The following MACROD2 variants were observed in gnomAD, a reference collection of about 807,000 sequenced individuals.
The protein encoded by MACROD2 is ADP-ribose glycohydrolase MACROD2.
MACROD2 carries 36 observed loss-of-function variants against 70.4 expected under a neutral mutation model. The observed-to-expected ratio is 0.51, with a 90% CI of 0.39 to 0.68. The LOEUF is 0.68. MACROD2 is among the 30% of genes least tolerant of loss of function. The pLI is 0.00. For synonymous variants in MACROD2, 172 were observed against 178.8 expected (o/e 0.96, Z 0.30); for missense variants, 496 against 538.4 (o/e 0.92, Z 0.78).
chr20:15,738,649 A>G (rs1003833685), intron 8 of MACROD2, among the ~76,000 whole-genome samples: 1 of 152,222 alleles, frequency 6.6e-6, no homozygotes, highest in African/African-American at 2.4e-5. Flanking sequence ...AGCAAATGAC[A>G]GGTTGAATAT....
chr20:14,208,959 G>A (rs1029226783), intron 3 of MACROD2, among the ~76,000 whole-genome samples: 11 of 152,126 alleles, frequency 7.2e-5, no homozygotes, highest in Non-Finnish European at 7.4e-5. Context: ...CAGTTTTCTC[G>A]TACTATGAGA....
intron 8 of MACROD2, among the ~76,000 whole-genome samples, chr20:15,507,296 C>T (rs916380835): frequency 2.0e-5 from 3 of 151,414 alleles, no homozygotes; most frequent in African/African-American, 7.3e-5. Context: ...CTGTCTCCCT[C>T]CCTCTTTCTT....
chr20:14,579,873 A>C (rs1049572163), intron 4 of MACROD2, among the ~76,000 whole-genome samples: 11 of 152,216 alleles, frequency 7.2e-5, no homozygotes, highest in Admixed American at 2.0e-4. Flanking sequence ...CAGGATGCTA[A>C]AGAGGCAGAC....
At position 15,401,832 on chromosome 20, in the gene MACROD2, A is replaced by T. The variant is rs1195369076; in HGVS notation, c.541-29573A>T. On this transcript the variant is annotated intron_variant, in intron 6 of 17. Transcript: ENST00000684519. Reference sequence around the variant, plus strand: ...TGGACAAAGGTGACCAGGCGGTCAGATGGAGACCTTGGGGGAATGATCCCA... The same window carrying T: ...TGGACAAAGGTGACCAGGCGGTCAGTTGGAGACCTTGGGGGAATGATCCCA... Among the ~76,000 whole-genome samples the T allele has an allele frequency of 2.6e-5, 4 of 152,308 alleles. No individual in the cohort carries two copies. In the South Asian group the frequency reaches 8.3e-4, roughly 32 times the overall value.
intron 3 of MACROD2, among the ~76,000 whole-genome samples, chr20:14,477,411 T>C (rs1330108658): frequency 6.6e-6 from 1 of 152,186 alleles, no homozygotes; most frequent in Non-Finnish European, 1.5e-5. Flanking sequence ...AGGTAAACTA[T>C]TACTACGTTT....
rs990380436 is a variant in MACROD2 at position 16,049,752 on chromosome 20, T to A, written c.1301-78T>A. The A allele has an allele frequency of 8.0e-5, 115 of 1,441,340 alleles. 1 individual carries two copies. The South Asian group carries it at 1.3e-3, about 17-fold the overall frequency. The allele number at this position is 1,441,340 out of a possible 1,614,324, so 89.3% of individuals were successfully genotyped here. ...GGGGTGAGAGACATTTAAATGGCTGTATTAAAAATGTATTCCTTGCTAAGC... is the reference window on the plus strand; with the variant it reads ...GGGGTGAGAGACATTTAAATGGCTGAATTAAAAATGTATTCCTTGCTAAGC... On this transcript the variant is annotated intron_variant, in intron 17 of 17. Coordinates refer to ENST00000684519, the MANE Select transcript of MACROD2 (RefSeq NM_001351661.2).
intron 8 of MACROD2, among the ~76,000 whole-genome samples, chr20:15,778,080 C>T (rs1292285167): frequency 6.6e-6 from 1 of 152,114 alleles, no homozygotes; most frequent in African/African-American, 2.4e-5. Context: ...AGGTGATAAT[C>T]CCACTAACCC....
At chr20:14,240,274 G>A (rs893490717) in intron 3 of MACROD2, among the ~76,000 whole-genome samples, 2 of 152,172 alleles carry the variant, frequency 1.3e-5, no homozygotes. Flanking sequence ...GTGAAAAGCA[G>A]TTTAATGATT....
chr20:15,965,243 TA>T (rs1407485669), intron 12 of MACROD2, among the ~76,000 whole-genome samples: 3 of 152,170 alleles, frequency 2.0e-5, no homozygotes, highest in Non-Finnish European at 4.4e-5. Context: ...TTAATAATGT[TA>T]AAGCAACTCC....
At chr20:14,976,950 A>G (rs1437169029) in intron 5 of MACROD2, among the ~76,000 whole-genome samples, 1 of 152,180 alleles carries the variant, frequency 6.6e-6, no homozygotes, top group Non-Finnish European at 1.5e-5. Flanking sequence ...ATTTTCTTCA[A>G]AGTATTTTAA....
chr20:14,391,155 A>T (rs1165270000), intron 3 of MACROD2, among the ~76,000 whole-genome samples: 2 of 152,214 alleles, frequency 1.3e-5, no homozygotes, highest in African/African-American at 2.4e-5. Context: ...TTGTTCTGTT[A>T]TAAAGATACA....
intron 3 of MACROD2, among the ~76,000 whole-genome samples, chr20:14,193,645 G>C (rs1042920664): frequency 6.6e-6 from 1 of 152,188 alleles, no homozygotes; most frequent in Non-Finnish European, 1.5e-5. Context: ...CCTGCAGGAG[G>C]AGCTAGAGCT....
chr20:15,256,737 A>T (rs1251371093), intron 6 of MACROD2, among the ~76,000 whole-genome samples: 3 of 152,052 alleles, frequency 2.0e-5, no homozygotes, highest in African/African-American at 7.2e-5. Flanking sequence ...CTCATTAACC[A>T]CGGAATTTTT....
chr20:14,276,014 T>A (rs1601425768), intron 3 of MACROD2, among the ~76,000 whole-genome samples: 1 of 151,610 alleles, frequency 6.6e-6, no homozygotes, highest in East Asian at 1.9e-4. Flanking sequence ...TAGGAACACT[T>A]TTACACTGTT....
intron 3 of MACROD2, among the ~76,000 whole-genome samples, chr20:14,474,130 C>T (rs1207952870): frequency 6.6e-6 from 1 of 151,506 alleles, no homozygotes; most frequent in Admixed American, 6.6e-5. Flanking sequence ...TTTGTCTGTT[C>T]ATTCTGTTGA....
chr20:15,612,811 G>A (rs1014841335), intron 8 of MACROD2, among the ~76,000 whole-genome samples: 1 of 152,146 alleles, frequency 6.6e-6, no homozygotes, highest in Non-Finnish European at 1.5e-5. Flanking sequence ...AAACATCTTA[G>A]GCTTCTGGCT....
intron 4 of MACROD2, among the ~76,000 whole-genome samples, chr20:14,576,568 G>A (rs934793205): frequency 6.6e-6 from 1 of 152,104 alleles, no homozygotes; most frequent in South Asian, 2.1e-4. Flanking sequence ...AAATATGGAG[G>A]TCCCAAGTCA....
intron 4 of MACROD2, among the ~76,000 whole-genome samples, chr20:14,585,408 T>C (rs957717590): frequency 3.9e-5 from 6 of 152,112 alleles, no homozygotes; most frequent in African/African-American, 1.2e-4. Flanking sequence ...ATGTAAACTA[T>C]GAGAGTAGGT....
At chr20:14,228,243 C>A (rs1457912537) in intron 3 of MACROD2, among the ~76,000 whole-genome samples, 1 of 151,272 alleles carries the variant, frequency 6.6e-6, no homozygotes, top group Non-Finnish European at 1.5e-5. Context: ...AAAATGTTAA[C>A]AATTAGGGAA....
Sources: allele counts gnomAD v4.1 joint callset (sites outside exome capture counted in the v4.1 genomes callset), GRCh38; gene constraint gnomAD v4.1.1; transcripts MANE v1.5; gene names NCBI Gene and HGNC (gene_info 2026-07-23, HGNC 2026-07-21).